MMP28: variants seen among roughly 807,000 people sequenced by gnomAD.
MMP28 encodes the protein matrix metallopeptidase 28, also known as matrix metalloproteinase-28.
MMP28 carries 55 observed loss-of-function variants against 60.5 expected under a neutral mutation model. The ratio of observed to expected loss-of-function variants is 0.91; its 90% confidence interval spans 0.73 to 1.14. The LOEUF is 1.14. Among genes scored for constraint, MMP28 ranks in the 50% most tolerant of loss-of-function variants. MMP28 has a pLI of 0.00. For missense variants in MMP28, 686 were observed against 738.3 expected (o/e 0.93, Z 0.82); for synonymous variants, 318 against 312.5 (o/e 1.02, Z -0.18).
chr17:35,761,099 ATTTTTTTTT>A (rs10533957), downstream of MMP28: 113 of 506,086 alleles, frequency 2.2e-4, no homozygotes, highest in East Asian at 4.5e-4. Flanking sequence ...GCCTTCCTGA[ATTTTTTTTT>A]TTTTTTTTTT....
chr17:35,763,897 A>AAAAAAAAT (rs373521587), downstream of MMP28: 11 of 654,402 alleles, frequency 1.7e-5, no homozygotes, highest in African/African-American at 1.6e-4. Context: ...ACCCTGTCTC[A>AAAAAAAAT]AAATAAATAA....
intron 3 of MMP28, among the ~76,000 whole-genome samples, chr17:35,773,955 CCTAT>C (rs1282064849): frequency 2.0e-5 from 3 of 152,196 alleles, no homozygotes; most frequent in Non-Finnish European, 4.4e-5. Context: ...GGGCCTGGGG[CCTAT>C]GGCCAGCCAA....
intron 2 of MMP28, chr17:35,760,819 T>C (rs781791222): frequency 1.7e-6 from 2 of 1,179,946 alleles, no homozygotes; most frequent in African/African-American, 1.5e-5. Flanking sequence ...GCAGGTGAGG[T>C]TCTAGCCCCA....
chr17:35,775,349 AC>A lies in MMP28; in HGVS notation c.380-1946del, dbSNP rs2086294244. Among the ~76,000 whole-genome samples, 4 of 152,214 alleles carry A rather than the reference AC, an allele frequency of 2.6e-5. No homozygotes were observed. The South Asian group carries it at 6.2e-4, about 24-fold the overall frequency. The stretch of plus-strand genomic sequence containing the variant: ...AGAAAGCTAGCCGCTTCAGGCCCTG[AC>A]CCAAACTCCTGGCCAGGGAGGGCTG... On this transcript the variant is annotated intron_variant, in intron 3 of 7. Coordinates refer to ENST00000605424, the MANE Select transcript of MMP28 (RefSeq NM_024302.5).
intron 3 of MMP28, among the ~76,000 whole-genome samples, chr17:35,777,609 A>G (rs1375304009): frequency 6.6e-6 from 1 of 152,258 alleles, no homozygotes; most frequent in Non-Finnish European, 1.5e-5. Flanking sequence ...ACACAAATTA[A>G]AAGTGGCAAT....
chr17:35,762,750 G>A (rs1184908445), downstream of MMP28, among the ~76,000 whole-genome samples: 1 of 152,092 alleles, frequency 6.6e-6, no homozygotes, highest in African/African-American at 2.4e-5. Context: ...CGGAGATGCT[G>A]GGCTTCCTTA....
intron 5 of MMP28, 109 bp from the exon 6 acceptor site, chr17:35,768,488 G>T: frequency 2.2e-6 from 2 of 924,762 alleles, no homozygotes; most frequent in East Asian, 2.5e-5. Context: ...AATATGAGGG[G>T]CAAGGAAGGA....
chr17:35,778,657 T>C, intron 3 of MMP28: 1 of 1,054,112 alleles, frequency 9.5e-7, no homozygotes, highest in Non-Finnish European at 1.3e-6. Context: ...GTGTTTGATC[T>C]GGAAAAACAC....
chr17:35,760,892 C>G (rs2085803415), downstream of MMP28: 1 of 1,612,230 alleles, frequency 6.2e-7, no homozygotes, highest in Non-Finnish European at 8.5e-7. Flanking sequence ...TGGGCACCCT[C>G]TCACATCCCA....
intron 4 of MMP28, among the ~76,000 whole-genome samples, chr17:35,772,925 A>C (rs2086203921): frequency 6.6e-6 from 1 of 152,218 alleles, no homozygotes; most frequent in Admixed American, 6.5e-5. Flanking sequence ...TTCTCCCAGA[A>C]TGCATAATAC....
At position 35,781,208 on chromosome 17, in the gene MMP28, C is replaced by A. The variant is rs113961817; in HGVS notation, c.112-1885G>T. Among the ~76,000 whole-genome samples, 989 of 152,252 alleles carry A rather than the reference C, an allele frequency of 6.5e-3. 3 individuals carry two copies. Among genetic ancestry groups the A allele is most frequent in the Middle Eastern group, 0.024 (7 of 294 alleles). ...ATAAGAAGTGTAGGTTTGTTTTAGT[C>A]CTGCTGATGGATTAATTGGTGGGGA... On this transcript the variant is annotated intron_variant, in intron 1 of 7. Transcript: ENST00000605424.
chr17:35,790,593 G>A (rs2086785943), intron 1 of MMP28, among the ~76,000 whole-genome samples: 1 of 152,094 alleles, frequency 6.6e-6, no homozygotes, highest in Non-Finnish European at 1.5e-5. Context: ...TATTGGGAGA[G>A]TGGTGTTAAA....
intron 1 of MMP28, among the ~76,000 whole-genome samples, chr17:35,786,705 A>AAAAAAAAAAAAAAAAAAAAAAAAG (rs2086660351): frequency 6.6e-6 from 1 of 151,254 alleles, no homozygotes; most frequent in Non-Finnish European, 1.5e-5. Context: ...TCTACAAAAA[A>AAAAAAAAAAAAAAAAAAAAAAAAG]AAAAAAAAAA....
downstream of MMP28, among the ~76,000 whole-genome samples, chr17:35,761,701 A>T (rs139771967): frequency 6.6e-6 from 1 of 152,226 alleles, no homozygotes; most frequent in South Asian, 2.1e-4. Flanking sequence ...GTCAGAGGGA[A>T]CATCCTAAAA....
chr17:35,763,334 TG>T (rs1441266981), downstream of MMP28, among the ~76,000 whole-genome samples: 16 of 151,126 alleles, frequency 1.1e-4, no homozygotes, highest in African/African-American at 3.6e-4. Flanking sequence ...TGGAGTGTGG[TG>T]GTGCAATCAT....
intron 3 of MMP28, among the ~76,000 whole-genome samples, chr17:35,776,790 G>T (rs537055464): frequency 6.6e-6 from 1 of 152,184 alleles, no homozygotes; most frequent in Admixed American, 6.5e-5. Flanking sequence ...TCAGGAGGCT[G>T]GGGCAGAAGA....
intron 1 of MMP28, among the ~76,000 whole-genome samples, chr17:35,781,306 C>A (rs1181949881): frequency 2.6e-5 from 4 of 152,146 alleles, no homozygotes; most frequent in African/African-American, 9.7e-5. Flanking sequence ...TATGAGGAAG[C>A]CTGCAGGAGG....
chr17:35,779,842 G>A (rs2086447212), intron 1 of MMP28, among the ~76,000 whole-genome samples: 1 of 152,088 alleles, frequency 6.6e-6, no homozygotes, highest in South Asian at 2.1e-4. Flanking sequence ...ACATAGGAGG[G>A]ACTCCATACA....
rs556942364 is a variant in MMP28, at chr17:35,768,050, G to A, written c.1001-131C>T. ...GTATGGTGTGTACAGTTGGCGCAGAGGGGAAAGTGGGCAGGAAGAAGCGGT... is the reference window on the plus strand; with the variant it reads ...GTATGGTGTGTACAGTTGGCGCAGAAGGGAAAGTGGGCAGGAAGAAGCGGT... On this transcript the variant is annotated intron_variant, in intron 6 of 7. Coordinates refer to ENST00000605424, the MANE Select transcript of MMP28 (RefSeq NM_024302.5). 1.7e-4 allele frequency: 218 copies of A among 1,296,326 alleles called. No individual in the cohort carries two copies. In the African/African-American group the frequency reaches 2.0e-3, roughly 12 times the overall value. 80.3% of individuals were successfully genotyped at this position (1,296,326 alleles called of 1,614,324 possible).
Sources: allele counts gnomAD v4.1 joint callset (sites outside exome capture counted in the v4.1 genomes callset), GRCh38; gene constraint gnomAD v4.1.1; transcripts MANE v1.5; gene names NCBI Gene and HGNC (gene_info 2026-07-23, HGNC 2026-07-21).